The following C1orf21 variants were observed in gnomAD, a reference collection of about 807,000 sequenced individuals.
The protein encoded by C1orf21 is uncharacterized protein C1orf21.
C1orf21 carries 3 observed loss-of-function variants against 18.7 expected under a neutral mutation model. The ratio of observed to expected loss-of-function variants is 0.16; its 90% CI spans 0.07 to 0.42. The LOEUF (loss-of-function observed/expected upper bound fraction) is 0.42. Ranked by LOEUF, C1orf21 falls within the 10% of genes least tolerant of loss-of-function variation. The pLI is 0.99. For missense variants in C1orf21, 104 were observed against 143.6 expected (o/e 0.72, Z 1.41); for synonymous variants, 41 against 46.4 (o/e 0.88, Z 0.47).
chr1:184,554,354 C>A (rs1658850664), intron 3 of C1orf21, among the ~76,000 whole-genome samples: 1 of 152,110 alleles, frequency 6.6e-6, no homozygotes, highest in African/African-American at 2.4e-5. Flanking sequence ...TTTTAGAATC[C>A]TCAAATCAGT....
chr1:184,600,827 C>G (rs1372364994), intron 5 of C1orf21, among the ~76,000 whole-genome samples: 2 of 152,238 alleles, frequency 1.3e-5, no homozygotes, highest in Non-Finnish European at 2.9e-5. Context: ...CCTCTCCTCT[C>G]TTAAAGCTCA....
At chr1:184,459,652 G>A (rs1040305797) in intron 1 of C1orf21, among the ~76,000 whole-genome samples, 2 of 152,132 alleles carry the variant, frequency 1.3e-5, no homozygotes, top group African/African-American at 2.4e-5. Flanking sequence ...GGAGTTGGGG[G>A]TAGATTATCT....
At chr1:184,522,088 A>G (rs1229566056) in intron 3 of C1orf21, among the ~76,000 whole-genome samples, 1 of 152,226 alleles carries the variant, frequency 6.6e-6, no homozygotes, top group Non-Finnish European at 1.5e-5. Context: ...CAGATATTTA[A>G]CAGGGGATGG....
chr1:184,462,842 G>A (rs933134346), intron 1 of C1orf21, among the ~76,000 whole-genome samples: 4 of 152,082 alleles, frequency 2.6e-5, no homozygotes, highest in Non-Finnish European at 5.9e-5. Flanking sequence ...AGCACTTTGG[G>A]AGGCTGAGGT....
intron 5 of C1orf21, among the ~76,000 whole-genome samples, chr1:184,610,305 A>G (rs764929621): frequency 2.0e-5 from 3 of 152,240 alleles, no homozygotes; most frequent in Non-Finnish European, 4.4e-5. Flanking sequence ...TCAAGCTTAC[A>G]ATGGCAGAGT....
intron 3 of C1orf21, chr1:184,567,054 A>G (rs1205372972): frequency 4.0e-6 from 2 of 498,328 alleles, no homozygotes; most frequent in Admixed American, 4.2e-5. Context: ...GTACAGTCTA[A>G]CCATCTGAAA....
intron 5 of C1orf21, among the ~76,000 whole-genome samples, chr1:184,601,826 G>A (rs970865904): frequency 2.0e-5 from 3 of 151,978 alleles, no homozygotes; most frequent in Middle Eastern, 3.4e-3. Flanking sequence ...ACTTGAACTC[G>A]GGAGGTGGAA....
At chr1:184,531,726 A>G (rs1423529698) in intron 3 of C1orf21, among the ~76,000 whole-genome samples, 2 of 151,930 alleles carry the variant, frequency 1.3e-5, no homozygotes, top group Middle Eastern at 3.2e-3. Context: ...TTTAAATTTC[A>G]TTTCCTTCAG....
At chr1:184,474,791 A>G (rs182679125) in intron 1 of C1orf21, among the ~76,000 whole-genome samples, 10 of 152,248 alleles carry the variant, frequency 6.6e-5, no homozygotes, top group East Asian at 1.9e-4. Context: ...TCTCACTTCA[A>G]TCTCTCCTGC....
At chr1:184,447,421 T>G (rs973416606) in intron 1 of C1orf21, among the ~76,000 whole-genome samples, 27 of 152,202 alleles carry the variant, frequency 1.8e-4, no homozygotes, top group African/African-American at 5.8e-4. Flanking sequence ...TGGCTTTTTC[T>G]TCTCTCTGCA....
At chr1:184,551,016 A>G (rs1043726768) in intron 3 of C1orf21, among the ~76,000 whole-genome samples, 1 of 152,250 alleles carries the variant, frequency 6.6e-6, no homozygotes, top group Non-Finnish European at 1.5e-5. Flanking sequence ...GAAACTTGCT[A>G]TTTCAAATGT....
At chr1:184,445,716 G>A (rs1419820829) in intron 1 of C1orf21, among the ~76,000 whole-genome samples, 1 of 152,052 alleles carries the variant, frequency 6.6e-6, no homozygotes, top group Non-Finnish European at 1.5e-5. Context: ...CAATGCATGT[G>A]GCCCTTAGGA....
intron 3 of C1orf21, among the ~76,000 whole-genome samples, chr1:184,579,011 AAAAG>A (rs1443297709): frequency 1.3e-5 from 2 of 151,240 alleles, no homozygotes; most frequent in African/African-American, 4.8e-5. Flanking sequence ...AAAAAAAAAA[AAAAG>A]AACTGAGCGT....
At chr1:184,526,906 C>T (rs562872465) in intron 3 of C1orf21, among the ~76,000 whole-genome samples, 4 of 152,226 alleles carry the variant, frequency 2.6e-5, no homozygotes, top group South Asian at 2.1e-4. Context: ...CCCGCAGTCC[C>T]GTCCTTAAGG....
intron 3 of C1orf21, among the ~76,000 whole-genome samples, chr1:184,511,116 A>G (rs1405885827): frequency 6.6e-6 from 1 of 152,222 alleles, no homozygotes; most frequent in African/African-American, 2.4e-5. Context: ...TGAAATCAGT[A>G]GGAAGATTGT....
At chr1:184,610,279 T>G (rs1051682696) in intron 5 of C1orf21, among the ~76,000 whole-genome samples, 2 of 152,248 alleles carry the variant, frequency 1.3e-5, no homozygotes, top group African/African-American at 4.8e-5. Flanking sequence ...TCATTTACTT[T>G]TATCTATGGC....
At chr1:184,579,845 A>T (rs142358341) in intron 3 of C1orf21, among the ~76,000 whole-genome samples, 12 of 152,162 alleles carry the variant, frequency 7.9e-5, no homozygotes. Flanking sequence ...TCCTTGTGTG[A>T]AAGATTTTTT....
chr1:184,525,037 G>A (rs956066417), intron 3 of C1orf21, among the ~76,000 whole-genome samples: 5 of 151,648 alleles, frequency 3.3e-5, no homozygotes, highest in African/African-American at 1.2e-4. Flanking sequence ...TCTCCCTAAA[G>A]AGTGAAAGTC....
chr1:184,451,938 GT>G (rs1410514957), intron 1 of C1orf21, among the ~76,000 whole-genome samples: 17 of 152,016 alleles, frequency 1.1e-4, no homozygotes, highest in African/African-American at 4.1e-4. Flanking sequence ...AAAAATAAAT[GT>G]TAGTGTTAGT....
Sources: gnomAD v4.1 joint callset for allele counts (sites outside exome capture counted in the v4.1 genomes callset) on GRCh38, gnomAD v4.1.1 for gene constraint, MANE v1.5 for transcripts, NCBI Gene and HGNC (gene_info 2026-07-23, HGNC 2026-07-21) for gene names.